The following SYN2 variants were observed in gnomAD, a reference collection of about 807,000 sequenced individuals.
SYN2 encodes synapsin II, also known as synapsin-2.
Under a neutral mutation model 50.9 loss-of-function variants are expected in SYN2, and 19 were observed. The observed-to-expected ratio is 0.37, with a 90% CI of 0.26 to 0.55. The LOEUF (loss-of-function observed/expected upper bound fraction) is 0.55, where lower values mean the gene tolerates loss of function less well. Ranked by LOEUF, SYN2 falls within the 20% of genes least tolerant of loss-of-function variation. The pLI, the probability that SYN2 is intolerant of heterozygous loss-of-function variation, is 0.81. For missense variants in SYN2, 587 were observed against 576.4 expected (o/e 1.02, Z -0.19); for synonymous variants, 255 against 224.9 (o/e 1.13, Z -1.20).
In SYN2 at chr3:12,190,989, C is replaced by T; in HGVS notation, c.*364C>T. 4 of 1,028,922 alleles carry T rather than the reference C, an allele frequency of 3.9e-6. No homozygotes were observed. Among genetic ancestry groups the T allele is most frequent in the Non-Finnish European group, 4.7e-6 (4 of 858,850 alleles). 63.7% of individuals were successfully genotyped at this position (1,028,922 alleles called of 1,614,324 possible). Reference sequence around the variant, plus strand: ...AATCGTGGACTCCTGGCAGCTTAACCTAGCTCAGTTGCAGTGCTAAGCATG... The same window carrying T: ...AATCGTGGACTCCTGGCAGCTTAACTTAGCTCAGTTGCAGTGCTAAGCATG... On this transcript the variant is annotated 3_prime_UTR_variant, in exon 13 of 13. Coordinates refer to ENST00000621198, the MANE Select transcript of SYN2 (RefSeq NM_133625.6).
intron 10 of SYN2, among the ~76,000 whole-genome samples, chr3:12,172,808 G>A (rs947745148): frequency 5.3e-5 from 8 of 152,194 alleles, no homozygotes; most frequent in African/African-American, 1.9e-4. Flanking sequence ...GAGTGTAGTG[G>A]TTACTTCTGA....
intron 7 of SYN2, among the ~76,000 whole-genome samples, chr3:12,165,143 T>C (rs139190528): frequency 0.037 from 5,600 of 152,154 alleles, 317 homozygotes; most frequent in African/African-American, 0.12. Flanking sequence ...CCCACCACCA[T>C]GCCTGGCTAA....
chr3:12,065,737 C>G (rs1695202226), intron 1 of SYN2, among the ~76,000 whole-genome samples: 1 of 152,114 alleles, frequency 6.6e-6, no homozygotes, highest in African/African-American at 2.4e-5. Context: ...GTTGGAAAAA[C>G]TAACTGTTGA....
chr3:12,045,887 T>G (rs186209107), intron 1 of SYN2, among the ~76,000 whole-genome samples: 1 of 152,316 alleles, frequency 6.6e-6, no homozygotes, highest in East Asian at 1.9e-4. Context: ...AAATGAGGCT[T>G]GAATTTACAG....
chr3:12,111,004 G>T (rs570987783), intron 1 of SYN2, among the ~76,000 whole-genome samples: 1 of 152,324 alleles, frequency 6.6e-6, no homozygotes, highest in South Asian at 2.1e-4. Context: ...GGAAGGCATG[G>T]TTGGTTTTGA....
intron 1 of SYN2, among the ~76,000 whole-genome samples, chr3:12,096,821 A>G (rs572504015): frequency 1.3e-5 from 2 of 152,112 alleles, no homozygotes; most frequent in Admixed American, 1.3e-4. Flanking sequence ...AAAAAAATGA[A>G]CTTGAAAATA....
intron 3 of SYN2, among the ~76,000 whole-genome samples, chr3:12,142,821 A>C (rs943650811): frequency 6.6e-6 from 1 of 152,236 alleles, no homozygotes; most frequent in Non-Finnish European, 1.5e-5. Context: ...CTCCACCTCA[A>C]TCTACAGTAA....
Position 12,050,223 on chromosome 3 carries a change from T to A in SYN2, c.377+45295T>A, listed in dbSNP as rs1253550371. ...GCCTCGACAGTTCTTAGACTGTTAA[T>A]GGTTATAATTCTCTGCAAGATTCTT... On this transcript the variant is annotated intron_variant, in intron 1 of 12. Transcript: ENST00000621198. 5.9e-5 allele frequency among the ~76,000 whole-genome samples: 9 copies of A among 151,664 alleles called. No homozygotes were observed. The East Asian group carries it at 1.8e-3, about 30-fold the overall frequency.
intron 1 of SYN2, among the ~76,000 whole-genome samples, chr3:12,112,078 A>AG (rs1696329583): frequency 6.6e-6 from 1 of 152,142 alleles, no homozygotes; most frequent in Non-Finnish European, 1.5e-5. Context: ...CTCTGCTAAG[A>AG]GGGGGAGCAG....
intron 5 of SYN2, among the ~76,000 whole-genome samples, chr3:12,155,773 C>T (rs555415025): frequency 2.6e-5 from 4 of 152,288 alleles, no homozygotes; most frequent in African/African-American, 9.6e-5. Context: ...CCTCATTTCC[C>T]CTGCTGTACC....
At chr3:12,179,035 C>T (rs310760) in intron 10 of SYN2, among the ~76,000 whole-genome samples, 140,990 of 152,262 alleles carry the variant, frequency 0.93, 65,322 homozygotes, top group East Asian at 1. Flanking sequence ...TATATCTCTA[C>T]GTAAGGAAAA....
At chr3:12,013,628 G>A (rs1381263180) in intron 1 of SYN2, among the ~76,000 whole-genome samples, 2 of 152,174 alleles carry the variant, frequency 1.3e-5, no homozygotes, top group South Asian at 2.1e-4. Flanking sequence ...GTGGGACACC[G>A]ATGGTCACCT....
intron 1 of SYN2, among the ~76,000 whole-genome samples, chr3:12,130,602 C>G (rs1696775714): frequency 6.6e-6 from 1 of 152,174 alleles, no homozygotes. Flanking sequence ...GCAACACCCT[C>G]ACAAACACAT....
chr3:12,148,369 T>A (rs1245416088), intron 4 of SYN2, among the ~76,000 whole-genome samples: 1 of 152,162 alleles, frequency 6.6e-6, no homozygotes, highest in Admixed American at 6.5e-5. Context: ...ATGAATGACG[T>A]TTTACATATT....
At chr3:12,050,019 C>T (rs949626580) in intron 1 of SYN2, among the ~76,000 whole-genome samples, 2 of 152,154 alleles carry the variant, frequency 1.3e-5, no homozygotes, top group African/African-American at 2.4e-5. Flanking sequence ...CCTGCCCCAG[C>T]GTCCCAAGTA....
intron 1 of SYN2, among the ~76,000 whole-genome samples, chr3:12,025,971 T>TC (rs1694250489): frequency 6.6e-6 from 1 of 152,216 alleles, no homozygotes; most frequent in East Asian, 1.9e-4. Flanking sequence ...GTAGCTTTTT[T>TC]CCCCCTAAGA....
intron 1 of SYN2, among the ~76,000 whole-genome samples, chr3:12,009,795 G>GT (rs1693878212): frequency 6.6e-6 from 1 of 152,184 alleles, no homozygotes; most frequent in Non-Finnish European, 1.5e-5. Context: ...TTTCAGCAAA[G>GT]TTCATTCTAA....
At chr3:12,098,026 C>T (rs1695980461) in intron 1 of SYN2, among the ~76,000 whole-genome samples, 1 of 152,118 alleles carries the variant, frequency 6.6e-6, no homozygotes, top group Non-Finnish European at 1.5e-5. Context: ...AGAATTTATT[C>T]ATCTGAGAAG....
At chr3:12,008,953 GC>G (rs1693858450) in intron 1 of SYN2, among the ~76,000 whole-genome samples, 1 of 152,190 alleles carries the variant, frequency 6.6e-6, no homozygotes, top group East Asian at 1.9e-4. Flanking sequence ...TTCTTTTCTA[GC>G]CAGCCTTTGA....
Sources: allele counts gnomAD v4.1 joint callset (sites outside exome capture counted in the v4.1 genomes callset), GRCh38; gene constraint gnomAD v4.1.1; transcripts MANE v1.5; gene names NCBI Gene and HGNC (gene_info 2026-07-23, HGNC 2026-07-21).